The following YAF2 variants were observed in gnomAD, a reference collection of about 807,000 sequenced individuals.
The protein encoded by YAF2 is YY1 associated factor 2.
Under a neutral mutation model 20.1 loss-of-function variants are expected in YAF2, and 7 were observed. The observed-to-expected ratio is 0.35, with a 90% confidence interval of 0.20 to 0.65. The LOEUF (loss-of-function observed/expected upper bound fraction) is 0.65, where lower values mean the gene tolerates loss of function less well. YAF2 is among the 30% of genes least tolerant of loss of function. The pLI is 0.69. For missense variants in YAF2, 151 were observed against 219.2 expected (o/e 0.69, Z 1.96); for synonymous variants, 74 against 76.0 (o/e 0.97, Z 0.14).
chr12:42,197,307 C>G (rs1485512592), intron 2 of YAF2, among the ~76,000 whole-genome samples: 1 of 152,154 alleles, frequency 6.6e-6, no homozygotes, highest in African/African-American at 2.4e-5. Flanking sequence ...TGTCCAACAC[C>G]CCAGTGACCA....
chr12:42,205,120 T>G (rs1047887822), intron 2 of YAF2, among the ~76,000 whole-genome samples: 2 of 151,622 alleles, frequency 1.3e-5, no homozygotes, highest in Non-Finnish European at 2.9e-5. Context: ...CTTTAATGGT[T>G]TTTGGTTTCT....
rs993286154 is a variant in YAF2, at chr12:42,214,674, A to AT, written c.152+22924dup. On this transcript the variant is annotated intron_variant, in intron 2 of 3. Coordinates refer to ENST00000534854, the MANE Select transcript of YAF2 (RefSeq NM_005748.6). ...CCTGTTGTTGCCACACTCTGCAATGATTTTTTTTTGGTATTTTTTTGTTTG... is the reference window on the plus strand; with the variant it reads ...CCTGTTGTTGCCACACTCTGCAATGATTTTTTTTTTGGTATTTTTTTGTTTG... Among the ~76,000 whole-genome samples, 52 of 151,010 alleles carry AT rather than the reference A, an allele frequency of 3.4e-4. 1 individual carries two copies. In the South Asian group the frequency reaches 3.6e-3, roughly 10 times the overall value.
At position 42,161,425 on chromosome 12, in the gene YAF2, C is replaced by T. The variant is rs530298408; in HGVS notation, c.305+188G>A. The stretch of plus-strand genomic sequence containing the variant: ...AGAAAAAAGCATCATCACATTTAAG[C>T]TTGTATTTCTGGCTTCTGTGTTTAA... On this transcript the variant is annotated intron_variant, in intron 3 of 3. Transcript: ENST00000534854. The T allele has an allele frequency of 1.2e-5, 6 of 508,492 alleles. No individual in the cohort carries two copies. In the South Asian group the frequency reaches 3.0e-4, roughly 26 times the overall value. 31.5% of individuals were successfully genotyped at this position (508,492 alleles called of 1,614,324 possible).
intron 2 of YAF2, 66 bp downstream of exon 2, chr12:42,237,533 C>A: frequency 7.0e-7 from 1 of 1,431,132 alleles, no homozygotes; most frequent in Middle Eastern, 2.0e-4. Flanking sequence ...GGGGCGGCAG[C>A]CGCAAGGGCG....
intron 2 of YAF2, among the ~76,000 whole-genome samples, chr12:42,188,612 T>C (rs1369992745): frequency 3.3e-5 from 5 of 152,062 alleles, no homozygotes; most frequent in African/African-American, 7.2e-5. Context: ...CTCAAACTCC[T>C]GGCCACATGT....
At chr12:42,199,916 C>A (rs2066854019) in intron 2 of YAF2, among the ~76,000 whole-genome samples, 1 of 152,150 alleles carries the variant, frequency 6.6e-6, no homozygotes, top group South Asian at 2.1e-4. Context: ...CAAGGTTATA[C>A]AGTGTTCTCA....
intron 2 of YAF2, among the ~76,000 whole-genome samples, chr12:42,182,147 G>C (rs1423086097): frequency 6.6e-6 from 1 of 151,974 alleles, no homozygotes; most frequent in African/African-American, 2.4e-5. Context: ...AACTACAAAA[G>C]CATCATTTAT....
intron 2 of YAF2, among the ~76,000 whole-genome samples, chr12:42,183,667 T>G (rs374765987): frequency 6.6e-6 from 1 of 152,146 alleles, no homozygotes; most frequent in African/African-American, 2.4e-5. Flanking sequence ...CACCTTCACA[T>G]GAAAAAATTA....
intron 2 of YAF2, among the ~76,000 whole-genome samples, chr12:42,165,607 G>C (rs1028254868): frequency 5.3e-5 from 8 of 151,494 alleles, no homozygotes; most frequent in African/African-American, 1.9e-4. Context: ...GGGACTACAA[G>C]TGCCTGCCAC....
At chr12:42,180,406 C>T (rs1479323147) in intron 2 of YAF2, among the ~76,000 whole-genome samples, 1 of 152,160 alleles carries the variant, frequency 6.6e-6, no homozygotes, top group African/African-American at 2.4e-5. Context: ...CTGAGGTCAA[C>T]AGCCACCTGA....
At chr12:42,213,293 C>A (rs2067263368) in intron 2 of YAF2, among the ~76,000 whole-genome samples, 1 of 152,264 alleles carries the variant, frequency 6.6e-6, no homozygotes, top group Non-Finnish European at 1.5e-5. Context: ...CTAAGGTCTG[C>A]TGACAACCAC....
chr12:42,216,372 T>C (rs1230153765), intron 2 of YAF2, among the ~76,000 whole-genome samples: 1 of 152,204 alleles, frequency 6.6e-6, no homozygotes, highest in African/African-American at 2.4e-5. Context: ...TTCTGTCTGA[T>C]GAAAGTAAAA....
At chr12:42,212,061 G>A (rs1287600067) in intron 2 of YAF2, among the ~76,000 whole-genome samples, 4 of 151,670 alleles carry the variant, frequency 2.6e-5, no homozygotes, top group African/African-American at 9.7e-5. Flanking sequence ...TTAACCATTT[G>A]TCACCTATTG....
chr12:42,200,433 C>A (rs1375402580), intron 2 of YAF2, among the ~76,000 whole-genome samples: 1 of 152,196 alleles, frequency 6.6e-6, no homozygotes, highest in Non-Finnish European at 1.5e-5. Context: ...TGCTGCTCCA[C>A]TACATCAGAA....
chr12:42,171,079 G>A (rs911525139), intron 2 of YAF2, among the ~76,000 whole-genome samples: 7 of 151,934 alleles, frequency 4.6e-5, no homozygotes, highest in Middle Eastern at 3.4e-3. Context: ...TGCAACCTCC[G>A]TCTCCTGGGT....
rs1256581576 is a variant in YAF2 at position 42,161,772 on chromosome 12, G to T, written c.153-7C>A. ...GGAGACAGGTCGAGGTTTCCTGTGT[G>T]CATGTTAAAAAGAAAGGTATTTTAA... On this transcript the variant is annotated splice_region_variant and splice_polypyrimidine_tract_variant and intron_variant, in intron 2 of 3. Coordinates refer to ENST00000534854, the MANE Select transcript of YAF2 (RefSeq NM_005748.6). 6.3e-7 allele frequency: 1 copy of T among 1,587,622 alleles called. No individual in the cohort carries two copies.
At chr12:42,172,001 C>T (rs1347284193) in intron 2 of YAF2, 1 of 152,064 alleles carries the variant, frequency 6.6e-6, no homozygotes, top group East Asian at 1.9e-4. Flanking sequence ...ATTTAGGCTC[C>T]TCAACAAACC....
In YAF2 at chr12:42,189,139, T is replaced by G. The variant is rs551673917; in HGVS notation, c.153-27374A>C. Among the ~76,000 whole-genome samples the G allele has an allele frequency of 1.2e-3, 182 of 152,292 alleles. 1 individual carries two copies. The highest frequency in any genetic ancestry group is 3.4e-3 in the African/African-American group (141 of 41,568). On this transcript the variant is annotated intron_variant, in intron 2 of 3. Transcript: ENST00000534854. ...AGGGCAATTAAGGTAGAGAGAGCAC[T>G]ATGAGCAAAGTCACCATCTCAAGAA...
intron 2 of YAF2, among the ~76,000 whole-genome samples, chr12:42,201,111 T>C (rs1474008827): frequency 1.3e-5 from 2 of 152,224 alleles, no homozygotes; most frequent in East Asian, 3.8e-4. Context: ...TTCTCCATTG[T>C]ATAACTATTC....
Sources: gnomAD v4.1 joint callset for allele counts (sites outside exome capture counted in the v4.1 genomes callset) on GRCh38, gnomAD v4.1.1 for gene constraint, MANE v1.5 for transcripts, NCBI Gene and HGNC (gene_info 2026-07-23, HGNC 2026-07-21) for gene names.